Variants in RASGRP2 observed in about 807,000 individuals in gnomAD.
RASGRP2 encodes RAS guanyl releasing protein 2, also known as RAS guanyl-releasing protein 2.
In RASGRP2, 44 loss-of-function variants were observed where a neutral mutation model predicts 71.0. That is an observed-to-expected ratio of 0.62 (90% CI 0.49 to 0.80). RASGRP2 has a LOEUF of 0.80. RASGRP2 is among the 30% of genes least tolerant of loss of function. The probability of loss-of-function intolerance (pLI) is 0.00; values close to 1 mark genes in which losing one functional copy is unlikely to be tolerated. For missense variants in RASGRP2, 663 were observed against 813.4 expected, an observed-to-expected ratio of 0.82 and a Z score of 2.25; for synonymous variants, 350 against 330.7, an observed-to-expected ratio of 1.06 and a Z score of -0.63.
chr11:64,740,840 C>A lies in RASGRP2; in HGVS notation c.371+108G>T, dbSNP rs551599155. On this transcript the variant is annotated intron_variant, in intron 5 of 16. Transcript: ENST00000394432. ...TAGGGAGCCATGGAAGGTTTTTAAGCGAGAGAGCAACATGACCCTCACTCA... is the reference window on the plus strand; with the variant it reads ...TAGGGAGCCATGGAAGGTTTTTAAGAGAGAGAGCAACATGACCCTCACTCA... The A allele has an allele frequency of 2.8e-5, 41 of 1,468,874 alleles. No individual in the cohort carries two copies. The African/African-American group carries it at 5.4e-4, about 19-fold the overall frequency. 91.0% of individuals were successfully genotyped at this position (1,468,874 alleles called of 1,614,324 possible).
At chr11:64,744,184 C>T (rs2058234798), upstream of RASGRP2, 3 of 986,200 alleles carry the variant, frequency 3.0e-6, no homozygotes, top group South Asian at 1.4e-4. Context: ...TGCACACACC[C>T]CCATGGGTGC....
At position 64,734,450 on chromosome 11, in the gene RASGRP2, G is replaced by C. The variant is rs572132293; in HGVS notation, c.1412+662C>G. On this transcript the variant is annotated intron_variant, in intron 12 of 16. Coordinates refer to ENST00000394432, the MANE Select transcript of RASGRP2 (RefSeq NM_001098671.2). ...TTACAGGCGTGAGGCACCGCACCTG[G>C]CCTCTCACTTCTTACTTTAAACATT... 1.5e-3 allele frequency among the ~76,000 whole-genome samples: 233 copies of C among 152,032 alleles called. No individual in the cohort carries two copies. In the Middle Eastern group the frequency reaches 0.037, roughly 24 times the overall value.
intron 13 of RASGRP2, 102 bp from the exon 14 acceptor site, chr11:64,729,900 G>A: frequency 6.4e-7 from 1 of 1,572,530 alleles, no homozygotes; most frequent in Non-Finnish European, 8.7e-7. Flanking sequence ...CCCGCCTCAG[G>A]GCCCCGGGCA....
At chr11:64,737,217 C>T in intron 8 of RASGRP2, 183 bp from the exon 9 acceptor site, 3 of 681,800 alleles carry the variant, frequency 4.4e-6, no homozygotes, top group Non-Finnish European at 2.5e-6. Context: ...GCCATGAATT[C>T]AAGGCAATAC....
intron 12 of RASGRP2, among the ~76,000 whole-genome samples, chr11:64,731,371 A>G (rs989970869): frequency 1.3e-5 from 2 of 151,814 alleles, no homozygotes; most frequent in African/African-American, 2.4e-5. Flanking sequence ...AAAAAAAAAA[A>G]AAAAGAAAAG....
At position 64,739,672 on chromosome 11, in the gene RASGRP2, C is replaced by T. The variant is rs1447939828; in HGVS notation, c.660G>A (p.Arg220=). 14 of 1,613,828 alleles carry T rather than the reference C, an allele frequency of 8.7e-6. No individual in the cohort carries two copies. Among genetic ancestry groups the T allele is most frequent in the East Asian group, 2.2e-5 (1 of 44,898 alleles). Residue 220 remains arginine, a synonymous_variant, in exon 7 of 17, where the codon CGG becomes CGA. Transcript: ENST00000394432. This position sits in a 1 kb window ranked among gnomAD's most constrained non-coding sequence, Gnocchi z 4.2. ...MILSKPTAPQ[R]ALVITHFVHV... ...GGACAAAGTGTGTGATGACCAGGGC[C>T]CGCTGCGGGGCTGTGGGTTTGCTGA...
intron 12 of RASGRP2, among the ~76,000 whole-genome samples, chr11:64,730,677 G>A (rs780966334): frequency 7.2e-5 from 11 of 152,212 alleles, no homozygotes; most frequent in Non-Finnish European, 1.5e-4. Context: ...AGGGCTTTCC[G>A]CAGAAGCCCT....
At position 64,743,683 on chromosome 11, in the gene RASGRP2, T is replaced by TGG; in HGVS notation, c.-72+318_-72+319dup. The TGG allele has an allele frequency of 2.5e-6, 1 of 395,140 alleles. No homozygotes were observed. The highest frequency in any genetic ancestry group is 5.0e-6 in the Non-Finnish European group (1 of 200,890). 24.5% of individuals were successfully genotyped at this position (395,140 alleles called of 1,614,324 possible). On this transcript the variant is annotated intron_variant, in intron 1 of 16. Transcript: ENST00000394432. The surrounding 1 kb of genome is among the most constrained non-coding windows in gnomAD (Gnocchi z 4.9). ...CCTCCCTATCCCCGGCTCCTGACCCTGGCCCCGGCCCCGCACAGGCGAACT... is the reference window on the plus strand; with the variant it reads ...CCTCCCTATCCCCGGCTCCTGACCCTGGGGCCCCGGCCCCGCACAGGCGAACT...
In RASGRP2 at chr11:64,743,014, G is replaced by A. The variant is rs2058187676; in HGVS notation, c.-71-77C>T. On this transcript the variant is annotated intron_variant, in intron 1 of 16. Coordinates refer to ENST00000394432, the MANE Select transcript of RASGRP2 (RefSeq NM_001098671.2). The surrounding 1 kb of genome is among the most constrained non-coding windows in gnomAD (Gnocchi z 4.9). ...GGCCCCGCGGGCAGAAACGGGGCGG[G>A]GCGGGCACGCCCCCTGCTGGACAGG... 6.9e-7 allele frequency: 1 copy of A among 1,444,054 alleles called. No individual in the cohort carries two copies. The highest frequency in any genetic ancestry group is 1.4e-5 in the African/African-American group (1 of 70,442). The allele number at this position is 1,444,054 out of a possible 1,614,324, so 89.5% of individuals were successfully genotyped here. A position where few individuals can be genotyped will look rare whatever the true frequency, so the allele number is the denominator to read the frequency against.
intron 5 of RASGRP2, 193 bp downstream of exon 5, chr11:64,740,755 G>A (rs897692824): frequency 2.7e-6 from 2 of 737,054 alleles, no homozygotes; most frequent in African/African-American, 3.5e-5. Context: ...GGGATGGGTG[G>A]TGGCAGTGGA....
chr11:64,742,821 G>A lies in RASGRP2; in HGVS notation c.46C>T (p.Leu16=), dbSNP rs1169992381. 1 of 1,608,598 alleles carries A rather than the reference G, an allele frequency of 6.2e-7. No homozygotes were observed. The part of the protein sequence containing the change: ...DLDKGCTVEE[L]LRGCIEAFDD... ...AAGGCTTCGATGCACCCGCGGAGCA[G>A]CTCCTCCACCGTGCAGCCCTTGTCC... Residue 16 remains leucine, a synonymous_variant, in exon 2 of 17, where the codon CTG becomes TTG. Transcript: ENST00000394432. This position sits in a 1 kb window ranked among gnomAD's most constrained non-coding sequence, Gnocchi z 4.7.
Position 64,735,135 on chromosome 11 carries a change from G to T in RASGRP2, c.1389C>A (p.Ala463=), listed in dbSNP as rs2057888439. ...ACTGGTTCTGGTCGAGGTCCCCAAA[G>T]GCGCTGAGGTAAGGGAAGTTCCCAC... ...IIRGNFPYLS[A]FGDLDQNQDG... The change falls in exon 12 of 17, where the codon GCC becomes GCA. Residue 463 remains alanine, a synonymous_variant. Transcript: ENST00000394432. This position sits in a 1 kb window ranked among gnomAD's most constrained non-coding sequence, Gnocchi z 4.2. 4.3e-6 allele frequency: 7 copies of T among 1,614,056 alleles called. No individual in the cohort carries two copies. The East Asian group carries it at 1.6e-4, about 36-fold the overall frequency.
At chr11:64,731,130 G>GCTCC (rs2057752686) in intron 12 of RASGRP2, among the ~76,000 whole-genome samples, 1 of 152,204 alleles carries the variant, frequency 6.6e-6, no homozygotes, top group Non-Finnish European at 1.5e-5. Context: ...GCCAAGGCGG[G>GCTCC]TGGATCACGA....
At chr11:64,732,729 C>T (rs1423699918) in intron 12 of RASGRP2, among the ~76,000 whole-genome samples, 3 of 151,478 alleles carry the variant, frequency 2.0e-5, no homozygotes, top group African/African-American at 4.9e-5. Flanking sequence ...TGCAGTGAGC[C>T]GAGATCGCGC....
Position 64,736,735 on chromosome 11 carries a change from C to G in RASGRP2, c.1095+18G>C. 1.3e-6 allele frequency: 2 copies of G among 1,564,056 alleles called. No homozygotes were observed. Among genetic ancestry groups the G allele is most frequent in the Non-Finnish European group, 8.7e-7 (1 of 1,155,068 alleles). The stretch of plus-strand genomic sequence containing the variant: ...CCCTGGTGCCCAGCTCCCCACCTCC[C>G]TGCCCCCTGCTCCTCACCGTGAGCA... On this transcript the variant is annotated intron_variant, in intron 9 of 16. Coordinates refer to ENST00000394432, the MANE Select transcript of RASGRP2 (RefSeq NM_001098671.2).
intron 15 of RASGRP2, 58 bp from the exon 16 acceptor site, chr11:64,727,418 C>G: frequency 1.3e-6 from 2 of 1,548,920 alleles, no homozygotes; most frequent in Non-Finnish European, 8.9e-7. Flanking sequence ...CTTCATCAAC[C>G]CTTCCCCTCT....
chr11:64,742,991 CCCCGCG>C lies in RASGRP2; in HGVS notation c.-71-60_-71-55del. The C allele has an allele frequency of 1.3e-6, 2 of 1,503,596 alleles. No individual in the cohort carries two copies. The highest frequency in any genetic ancestry group is 1.8e-6 in the Non-Finnish European group (2 of 1,129,782). 93.1% of individuals were successfully genotyped at this position (1,503,596 alleles called of 1,614,324 possible). On this transcript the variant is annotated intron_variant, in intron 1 of 16. Transcript: ENST00000394432. The surrounding 1 kb of genome is among the most constrained non-coding windows in gnomAD (Gnocchi z 4.7). ...TGCGGAGTCGCGGGCGGGGGAGCGG[CCCCGCG>C]GGCAGAAACGGGGCGGGGCGGGCAC... is the stretch of plus-strand genomic sequence containing the variant.
chr11:64,741,302 G>T, intron 4 of RASGRP2, 137 bp downstream of exon 4: 1 of 1,122,312 alleles, frequency 8.9e-7, no homozygotes, highest in Non-Finnish European at 1.3e-6. Flanking sequence ...GTGAGCCTGT[G>T]GCAGCACTGC....
At position 64,728,887 on chromosome 11, in the gene RASGRP2, C is replaced by A; in HGVS notation, c.1747G>T (p.Gly583Cys). Residue 583 changes from glycine to cysteine, a missense_variant, in exon 15 of 17, where the codon GGC becomes TGC. Transcript: ENST00000394432. ...CCTGGAGGCCTGGAGCCTCGCCTGC[C>A]AGGGCGGGGCAGAGAGAAGCTGAAG... ...RAFSFSLPRP[G>C]RRGSRPPEIR... 1 of 1,612,480 alleles carries A rather than the reference C, an allele frequency of 6.2e-7. No individual in the cohort carries two copies. Among genetic ancestry groups the A allele is most frequent in the Non-Finnish European group, 8.5e-7 (1 of 1,179,688 alleles).
Sources: gnomAD v4.1 joint callset for allele counts (sites outside exome capture counted in the v4.1 genomes callset) on GRCh38, gnomAD v4.1.1 for gene constraint, Gnocchi (gnomAD v3.1) non-coding constraint, MANE v1.5 for transcripts, NCBI Gene and HGNC (gene_info 2026-07-23, HGNC 2026-07-21) for gene names.